The following CACNA2D3 variants were observed in gnomAD, a reference collection of about 807,000 sequenced individuals.
The protein encoded by CACNA2D3 is voltage-dependent calcium channel subunit alpha-2/delta-3.
In CACNA2D3, 60 loss-of-function variants were observed where a neutral mutation model predicts 160.6. The ratio of observed to expected loss-of-function variants is 0.37; its 90% CI spans 0.30 to 0.46. The LOEUF (loss-of-function observed/expected upper bound fraction) is 0.46. CACNA2D3 is among the 20% of genes least tolerant of loss of function. The probability of loss-of-function intolerance (pLI) is 1.00; values close to 1 mark genes in which losing one functional copy is unlikely to be tolerated. For synonymous variants in CACNA2D3, 558 were observed against 492.9 expected, an observed-to-expected ratio of 1.13 and a Z score of -1.75; for missense variants, 1,205 against 1,365.0, an observed-to-expected ratio of 0.88 and a Z score of 1.85.
At chr3:54,275,946 A>G (rs774351299) in intron 2 of CACNA2D3, among the ~76,000 whole-genome samples, 4 of 152,160 alleles carry the variant, frequency 2.6e-5, no homozygotes, top group African/African-American at 4.8e-5. Flanking sequence ...TCTGATTTCT[A>G]CTGGGGATAA....
At chr3:54,879,553 T>C in intron 20 of CACNA2D3, 142 bp downstream of exon 20, 2 of 634,506 alleles carry the variant, frequency 3.2e-6, no homozygotes, top group Non-Finnish European at 5.3e-6. Flanking sequence ...GAAGGGGCTT[T>C]TCCCAGGCTG....
intron 4 of CACNA2D3, among the ~76,000 whole-genome samples, chr3:54,420,897 G>A (rs1377699975): frequency 6.6e-6 from 1 of 152,208 alleles, no homozygotes; most frequent in Non-Finnish European, 1.5e-5. Flanking sequence ...ATTTTTCTTT[G>A]ATCTGGTAGT....
intron 30 of CACNA2D3, among the ~76,000 whole-genome samples, chr3:54,985,358 C>T (rs1438009564): frequency 3.9e-5 from 6 of 152,192 alleles, no homozygotes; most frequent in African/African-American, 7.2e-5. Flanking sequence ...AATAGAAAAA[C>T]GAGTTTTTCC....
In CACNA2D3 at chr3:54,764,409, T is replaced by C. The variant is rs1702179957; in HGVS notation, c.1380+58T>C. Reference sequence around the variant, plus strand: ...GCTTTACCCCCATCCCCAAATTGTGTTAATTCCAGAAAATAGCAACTGTAT... The same window carrying C: ...GCTTTACCCCCATCCCCAAATTGTGCTAATTCCAGAAAATAGCAACTGTAT... On this transcript the variant is annotated intron_variant, in intron 13 of 37. Coordinates refer to ENST00000474759, the MANE Select transcript of CACNA2D3 (RefSeq NM_018398.3). 5 of 1,593,214 alleles carry C rather than the reference T, an allele frequency of 3.1e-6. No individual in the cohort carries two copies. In the Admixed American group the frequency reaches 8.6e-5, roughly 27 times the overall value.
intron 27 of CACNA2D3, among the ~76,000 whole-genome samples, chr3:54,920,385 G>C (rs923588527): frequency 4.6e-5 from 7 of 151,816 alleles, no homozygotes; most frequent in Admixed American, 3.3e-4. Context: ...CCTTTTTGTT[G>C]CCACTGCTTA....
At chr3:54,995,764 G>A (rs1177434694) in intron 31 of CACNA2D3, among the ~76,000 whole-genome samples, 9 of 152,230 alleles carry the variant, frequency 5.9e-5, no homozygotes, top group African/African-American at 9.6e-5. Context: ...CTCACCAGAA[G>A]AGGAGAATAG....
chr3:54,564,957 T>C (rs1303863793), intron 6 of CACNA2D3, among the ~76,000 whole-genome samples: 5 of 152,334 alleles, frequency 3.3e-5, no homozygotes, highest in Non-Finnish European at 7.3e-5. Context: ...CTTTCAGCTC[T>C]CATTTCTGCC....
intron 35 of CACNA2D3, among the ~76,000 whole-genome samples, chr3:55,027,650 G>C (rs755464718): frequency 1.3e-5 from 2 of 152,190 alleles, no homozygotes; most frequent in African/African-American, 2.4e-5. Context: ...CTTCAGGTCA[G>C]GGGCAATGAC....
intron 25 of CACNA2D3, among the ~76,000 whole-genome samples, chr3:54,893,356 G>C (rs575723754): frequency 6.6e-6 from 1 of 151,734 alleles, no homozygotes; most frequent in South Asian, 2.1e-4. Context: ...TCTATTCTTT[G>C]TGGCATTACG....
chr3:54,653,106 G>A (rs916136784), intron 11 of CACNA2D3, among the ~76,000 whole-genome samples: 1 of 152,078 alleles, frequency 6.6e-6, no homozygotes, highest in African/African-American at 2.4e-5. Context: ...TGAATGGAGA[G>A]GAGTGAACTG....
At chr3:54,942,667 T>G (rs749630776) in intron 27 of CACNA2D3, among the ~76,000 whole-genome samples, 2 of 151,928 alleles carry the variant, frequency 1.3e-5, no homozygotes, top group Admixed American at 6.6e-5. Context: ...GCCAGAAGGA[T>G]CATTTGAGGA....
intron 2 of CACNA2D3, among the ~76,000 whole-genome samples, chr3:54,315,995 A>AG (rs1703851391): frequency 6.6e-6 from 1 of 152,190 alleles, no homozygotes; most frequent in African/African-American, 2.4e-5. Flanking sequence ...AAAAGAAGAA[A>AG]GAAAAAAAAT....
intron 4 of CACNA2D3, among the ~76,000 whole-genome samples, chr3:54,469,555 GAACAAAAC>G (rs1700691442): frequency 6.6e-6 from 1 of 152,070 alleles, no homozygotes; most frequent in Non-Finnish European, 1.5e-5. Context: ...GACAGCAAGG[GAACAAAAC>G]TGGATGGAGA....
intron 2 of CACNA2D3, among the ~76,000 whole-genome samples, chr3:54,304,780 G>A (rs1038035262): frequency 6.6e-6 from 1 of 152,012 alleles, no homozygotes; most frequent in Non-Finnish European, 1.5e-5. Flanking sequence ...CTCCATTTTA[G>A]GTTTTATGTT....
rs138511734 is a variant in CACNA2D3 at position 54,432,983 on chromosome 3, TAA to T, written c.381+46214_381+46215del. 2.4e-3 allele frequency among the ~76,000 whole-genome samples: 359 copies of T among 152,262 alleles called. 3 individuals carry two copies. Among genetic ancestry groups the T allele is most frequent in the African/African-American group, 8.4e-3 (350 of 41,558 alleles). On this transcript the variant is annotated intron_variant, in intron 4 of 37. Transcript: ENST00000474759. ...AAATTAAGTGGTGGAATTATTTTTT[TAA>T]AAAATTCAAAAGTTTTAAATTTGGG...
chr3:54,792,283 C>T (rs796105459), intron 13 of CACNA2D3, among the ~76,000 whole-genome samples: 2 of 152,172 alleles, frequency 1.3e-5, no homozygotes, highest in Admixed American at 6.5e-5. Context: ...AGGGAGCCCT[C>T]TCACTCAGTC....
intron 11 of CACNA2D3, among the ~76,000 whole-genome samples, chr3:54,701,737 A>G (rs1559553347): frequency 1.3e-5 from 2 of 152,348 alleles, no homozygotes; most frequent in East Asian, 3.9e-4. Flanking sequence ...CAGAACTAGA[A>G]TAAACTATTC....
chr3:54,185,521 A>G (rs1484953593), intron 2 of CACNA2D3, among the ~76,000 whole-genome samples: 1 of 152,208 alleles, frequency 6.6e-6, no homozygotes, highest in African/African-American at 2.4e-5. Flanking sequence ...GGTCAGTAAC[A>G]TGACATCTAA....
At position 54,224,888 on chromosome 3, in the gene CACNA2D3, A is replaced by C. The variant is rs1210288569; in HGVS notation, c.205-95554A>C. On this transcript the variant is annotated intron_variant, in intron 2 of 37. Transcript: ENST00000474759. ...GGTGGTACTAATGTCAGTTAAAAAA[A>C]AAATCTACCCTGCTTAGATTCCCGA... Among the ~76,000 whole-genome samples, 5 of 151,682 alleles carry C rather than the reference A, an allele frequency of 3.3e-5. No individual in the cohort carries two copies. In the East Asian group the frequency reaches 9.6e-4, roughly 29 times the overall value.
Sources: allele counts gnomAD v4.1 joint callset (sites outside exome capture counted in the v4.1 genomes callset), GRCh38; gene constraint gnomAD v4.1.1; transcripts MANE v1.5; gene names NCBI Gene and HGNC (gene_info 2026-07-23, HGNC 2026-07-21).